The following NID1 variants were observed in gnomAD, a reference collection of about 807,000 sequenced individuals.
NID1 encodes the protein nidogen 1, also known as nidogen-1.
A neutral mutation model predicts 130.6 loss-of-function variants in NID1; 76 were observed. That is an observed-to-expected ratio of 0.58 (90% confidence interval 0.48 to 0.70). NID1 has a LOEUF of 0.70. Ranked by LOEUF, NID1 falls within the 30% of genes least tolerant of loss-of-function variation. The pLI is 0.00. For synonymous variants in NID1, 665 were observed against 675.1 expected, an observed-to-expected ratio of 0.98 and a Z score of 0.23; for missense variants, 1,517 against 1,664.8, an observed-to-expected ratio of 0.91 and a Z score of 1.54.
rs565092994 is a variant in NID1 at position 235,999,022 on chromosome 1, C to T, written c.2528-5150G>A. 1.8e-4 allele frequency among the ~76,000 whole-genome samples: 28 copies of T among 152,330 alleles called. No homozygotes were observed. The South Asian group carries it at 5.2e-3, about 28-fold the overall frequency. ...CCCTTCTGGTCTGGCATCTGGCGTC[C>T]ACATTGCCAGTGCTTAGACGGCTCC... On this transcript the variant is annotated intron_variant, in intron 12 of 19. Coordinates refer to ENST00000264187, the MANE Select transcript of NID1 (RefSeq NM_002508.3).
intron 14 of NID1, among the ~76,000 whole-genome samples, chr1:235,989,644 T>C (rs939111125): frequency 6.6e-6 from 1 of 152,204 alleles, no homozygotes; most frequent in Admixed American, 6.5e-5. Flanking sequence ...ATTTAATGCA[T>C]CACATAGTGC....
intron 1 of NID1, among the ~76,000 whole-genome samples, chr1:236,056,620 C>A (rs1572624548): frequency 1.3e-5 from 2 of 152,200 alleles, no homozygotes; most frequent in Non-Finnish European, 2.9e-5. Flanking sequence ...CATTAACCAA[C>A]CTCTTTTCGT....
chr1:236,046,978 G>A (rs1301674459), intron 2 of NID1, among the ~76,000 whole-genome samples: 1 of 152,178 alleles, frequency 6.6e-6, no homozygotes, highest in Non-Finnish European at 1.5e-5. Flanking sequence ...TGGAATGGTG[G>A]CTCACGCCCT....
At chr1:236,017,340 TA>T in intron 9 of NID1, 67 bp from the exon 10 acceptor site, 1 of 1,538,972 alleles carries the variant, frequency 6.5e-7, no homozygotes, top group South Asian at 1.2e-5. Flanking sequence ...CTGACTATAA[TA>T]AAATAGCATT....
intron 12 of NID1, among the ~76,000 whole-genome samples, chr1:236,000,865 T>G (rs1658054453): frequency 6.6e-6 from 1 of 152,208 alleles, no homozygotes; most frequent in Admixed American, 6.5e-5. Flanking sequence ...CTCACAGATG[T>G]CAAGACTCTC....
intron 1 of NID1, among the ~76,000 whole-genome samples, chr1:236,061,309 A>G (rs1449861473): frequency 1.3e-5 from 2 of 152,170 alleles, no homozygotes; most frequent in Non-Finnish European, 2.9e-5. Context: ...TCACCTGGGG[A>G]AAAATATAAC....
chr1:235,979,270 C>G lies in NID1; in HGVS notation c.3510-163G>C, dbSNP rs3738524. ...CTTCCTTCCCCTGGGGTGGGTCAAG[C>G]CTGCATTTCTCTGGCTTTTTACAAA... On this transcript the variant is annotated intron_variant, in intron 18 of 19. Transcript: ENST00000264187. The surrounding 1 kb of genome is among the most constrained non-coding windows in gnomAD (Gnocchi z 4.6). Among the ~76,000 whole-genome samples, 30,684 of 151,968 alleles carry G rather than the reference C, an allele frequency of 0.2. 3,695 individuals are homozygous for G. The highest frequency in any genetic ancestry group is 0.62 in the East Asian group (3,173 of 5,128).
At chr1:236,013,903 G>A (rs1476084171) in intron 10 of NID1, among the ~76,000 whole-genome samples, 1 of 152,130 alleles carries the variant, frequency 6.6e-6, no homozygotes, top group Non-Finnish European at 1.5e-5. Flanking sequence ...ATCTGGATAT[G>A]GGGGTGGGAC....
chr1:236,017,144 T>C lies in NID1; in HGVS notation c.2254+4A>G. ...TGTTTCGAAAAGTTACCTGGAGAAC[T>C]TACCCACACACGTTCCCTCATCTGA... On this transcript the variant is annotated splice_donor_region_variant and intron_variant, in intron 10 of 19. Transcript: ENST00000264187. The C allele has an allele frequency of 6.2e-7, 1 of 1,614,014 alleles. No individual in the cohort carries two copies. The highest frequency in any genetic ancestry group is 8.5e-7 in the Non-Finnish European group (1 of 1,179,896).
chr1:235,992,677 G>A (rs377263976), intron 13 of NID1, among the ~76,000 whole-genome samples: 18 of 152,152 alleles, frequency 1.2e-4, no homozygotes, highest in East Asian at 7.7e-4. Context: ...GCCCAGCACC[G>A]TGACTTTCCT....
intron 12 of NID1, among the ~76,000 whole-genome samples, chr1:236,007,452 C>T (rs572917877): frequency 9.4e-4 from 143 of 152,158 alleles, no homozygotes; most frequent in Non-Finnish European, 1.8e-3. Flanking sequence ...GTCTTCCATA[C>T]TTGGGCAGAC....
Position 236,042,089 on chromosome 1 carries a change from C to T in NID1, c.956G>A (p.Arg319Lys). ...ACTGTATGTGTCAGCACCTCCCCTTCTCAGAGCCTTGTAGGAGAAGGGCGT... is the reference window on the plus strand; with the variant it reads ...ACTGTATGTGTCAGCACCTCCCCTTTTCAGAGCCTTGTAGGAGAAGGGCGT... ...GTTPFSYKAL[R>K]RGGADTYSVP... Residue 319 changes from arginine (R) to lysine (K), a missense_variant, in exon 4 of 20, where the codon AGA (arginine) becomes AAA (lysine). Around this residue, in one of 3 missense-constraint regions of NID1, gnomAD observed 1,329 missense variants for 1,429.2 expected, o/e 0.93. Transcript: ENST00000264187. 1 of 1,614,200 alleles carries T rather than the reference C, an allele frequency of 6.2e-7. No individual in the cohort carries two copies. The highest frequency in any genetic ancestry group is 8.5e-7 in the Non-Finnish European group (1 of 1,180,036).
chr1:235,997,039 G>A (rs183911909), intron 12 of NID1, among the ~76,000 whole-genome samples: 3 of 152,192 alleles, frequency 2.0e-5, no homozygotes, highest in East Asian at 3.9e-4. Context: ...TCACCATGTT[G>A]GTCAGGCTGG....
intron 1 of NID1, among the ~76,000 whole-genome samples, chr1:236,064,306 T>C (rs565807413): frequency 5.3e-5 from 8 of 152,314 alleles, no homozygotes; most frequent in Non-Finnish European, 4.4e-5. Context: ...GACTCTGGAC[T>C]CTGAAACGAG....
intron 12 of NID1, among the ~76,000 whole-genome samples, chr1:236,010,422 C>T (rs569893076): frequency 9.2e-5 from 14 of 151,912 alleles, no homozygotes; most frequent in East Asian, 7.7e-4. Flanking sequence ...CTCAGCCCCC[C>T]GAGGAGCTAG....
intron 16 of NID1, among the ~76,000 whole-genome samples, 196 bp from the exon 17 acceptor site, chr1:235,980,849 G>C (rs760981157): frequency 1.3e-5 from 2 of 152,136 alleles, no homozygotes; most frequent in Non-Finnish European, 2.9e-5. Flanking sequence ...ATTTGAGTTT[G>C]GTGATTCTGT....
At position 235,980,183 on chromosome 1, in the gene NID1, A is replaced by G. The variant is rs1168534169; in HGVS notation, c.3386-238T>C. Among the ~76,000 whole-genome samples, 3 of 152,186 alleles carry G rather than the reference A, an allele frequency of 2.0e-5. No individual in the cohort carries two copies. In the East Asian group the frequency reaches 5.8e-4, roughly 29 times the overall value. The stretch of plus-strand genomic sequence containing the variant: ...TGTAAGTTGTGAATTGCTTATCGGT[A>G]TCAGGGTGACTCCAGGCTCTGTGCA... On this transcript the variant is annotated intron_variant, in intron 17 of 19. Coordinates refer to ENST00000264187, the MANE Select transcript of NID1 (RefSeq NM_002508.3).
rs753202272 is a variant in NID1, at chr1:235,980,561, T to A, written c.3320A>T (p.Asp1107Val). 4.8e-5 allele frequency: 77 copies of A among 1,614,044 alleles called. No homozygotes were observed. The highest frequency in any genetic ancestry group is 6.2e-5 in the Non-Finnish European group (73 of 1,180,036). Residue 1107 changes from aspartate to valine, a missense_variant, in exon 17 of 20, where the codon GAC becomes GTC. Around this residue, in one of 3 missense-constraint regions of NID1, gnomAD observed 181 missense variants for 211.3 expected, o/e 0.86. Coordinates refer to ENST00000264187, the MANE Select transcript of NID1 (RefSeq NM_002508.3). ...GTNRRILVQD[D>V]LGLPNGLTFD... ...GGTCAGTCCATTGGGCAAGCCCAGG[T>A]CATCCTGCACAAGGATCCTCCGGTT... is the stretch of plus-strand genomic sequence containing the variant.
intron 12 of NID1, among the ~76,000 whole-genome samples, chr1:236,007,579 TTC>T (rs149604439): frequency 6.6e-6 from 1 of 151,306 alleles, no homozygotes; most frequent in Non-Finnish European, 1.5e-5. Context: ...CAGTCTCTCT[TTC>T]TCTCTCTCTC....
Sources: allele counts gnomAD v4.1 joint callset (sites outside exome capture counted in the v4.1 genomes callset), GRCh38; gene constraint gnomAD v4.1.1; regional missense constraint gnomAD v4.1.1; non-coding constraint Gnocchi (gnomAD v3.1); transcripts MANE v1.5; gene names NCBI Gene and HGNC (gene_info 2026-07-23, HGNC 2026-07-21).